Variants in VLDLR observed in about 807,000 individuals in gnomAD.
VLDLR encodes the protein very low density lipoprotein receptor, also known as very low-density lipoprotein receptor.
VLDLR carries 81 observed loss-of-function variants against 112.7 expected under a neutral mutation model. The observed-to-expected ratio is 0.72, with a 90% CI of 0.60 to 0.86. The LOEUF is 0.86. Among genes scored for constraint, VLDLR ranks in the 40% least tolerant of loss-of-function variants. The pLI is 0.00. For synonymous variants in VLDLR, 436 were observed against 384.8 expected, an observed-to-expected ratio of 1.13 and a Z score of -1.56; for missense variants, 1,237 against 1,099.4, an observed-to-expected ratio of 1.13 and a Z score of -1.77.
In VLDLR at chr9:2,644,543, G is replaced by A. The variant is rs2889261; in HGVS notation, c.1067-191G>A. ...AGAAACTTGACTAAATGCTTGACCA[G>A]CTGGTAACTTGCCGAGGAGTTAGAT... On this transcript the variant is annotated intron_variant, in intron 7 of 18. Coordinates refer to ENST00000382100, the MANE Select transcript of VLDLR (RefSeq NM_003383.5). Among the ~76,000 whole-genome samples the A allele has an allele frequency of 0.21, 31,629 of 151,656 alleles. 3,770 individuals are homozygous for A. Among genetic ancestry groups the A allele is most frequent in the African/African-American group, 0.3 (12,459 of 41,280 alleles).
chr9:2,659,962 G>A lies in VLDLR; in HGVS notation c.*6094G>A, dbSNP rs1818741122. ...TGCTCAGGATCTTCAGAATTCTAAA[G>A]GCACATGTTAGAATGCAGAGTCCTG... On this transcript the variant is annotated 3_prime_UTR_variant, in exon 19 of 19. Transcript: ENST00000382100. 1 of 152,166 alleles carries A rather than the reference G, an allele frequency of 6.6e-6. No individual in the cohort carries two copies. The highest frequency in any genetic ancestry group is 1.5e-5 in the Non-Finnish European group (1 of 68,034). The allele number at this position is 152,166 out of a possible 1,614,324, so 9.4% of individuals were successfully genotyped here. A position where few individuals can be genotyped will look rare whatever the true frequency, so the allele number is the denominator to read the frequency against.
intron 2 of VLDLR, among the ~76,000 whole-genome samples, chr9:2,636,779 A>G (rs1817613757): frequency 6.6e-6 from 1 of 152,222 alleles, no homozygotes; most frequent in Non-Finnish European, 1.5e-5. Flanking sequence ...TAGTTCTCTT[A>G]CTAAATATCT....
In VLDLR at chr9:2,643,713, CTG is replaced by C; in HGVS notation, c.910_911del (p.Val304ArgfsTer5). The C allele has an allele frequency of 6.2e-7, 1 of 1,614,206 alleles. No homozygotes were observed. The highest frequency in any genetic ancestry group is 8.5e-7 in the Non-Finnish European group (1 of 1,180,036). ...GSRQCNGIRD[C>X]VDGSDEVNCK... ...GCAGGCAGTGTAATGGTATCCGAGA[CTG>C]TGTCGATGGTTCCGATGAAGTCAAC... is the stretch of plus-strand genomic sequence containing the variant. On this transcript the variant is annotated frameshift_variant, in exon 6 of 19. Transcript: ENST00000382100. LOFTEE classifies it high-confidence loss of function.
chr9:2,624,013 C>G (rs1459319757), intron 1 of VLDLR, among the ~76,000 whole-genome samples: 1 of 152,090 alleles, frequency 6.6e-6, no homozygotes, highest in Non-Finnish European at 1.5e-5. Context: ...GGACAATTAT[C>G]CAGGAAGGTG....
Position 2,639,934 on chromosome 9 carries a change from G to C in VLDLR, c.278G>C (p.Gly93Ala). 6.2e-7 allele frequency: 1 copy of C among 1,614,232 alleles called. No homozygotes were observed. The highest frequency in any genetic ancestry group is 8.5e-7 in the Non-Finnish European group (1 of 1,180,038). ...GTTCCCAGCCGATGGAAGTGTGATGGAGATCCTGACTGCGAAGATGGTTCA... is the reference window on the plus strand; with the variant it reads ...GTTCCCAGCCGATGGAAGTGTGATGCAGATCCTGACTGCGAAGATGGTTCA... ...QCVPSRWKCD[G>A]DPDCEDGSDE... Residue 93 changes from glycine (G) to alanine (A), a missense_variant, in exon 3 of 19, where the codon GGA becomes GCA. Coordinates refer to ENST00000382100, the MANE Select transcript of VLDLR (RefSeq NM_003383.5).
chr9:2,653,097 G>T lies in VLDLR; in HGVS notation c.2586+148G>T, dbSNP rs534008490. ...GGCTATTAGACAGACAGTATAGCCT[G>T]TTAGAACATAAGTCACTCAGTTGAT... On this transcript the variant is annotated intron_variant, in intron 18 of 18. Transcript: ENST00000382100. 1.0e-5 allele frequency: 11 copies of T among 1,077,022 alleles called. No homozygotes were observed. The East Asian group carries it at 2.0e-4, about 20-fold the overall frequency. 66.7% of individuals were successfully genotyped at this position (1,077,022 alleles called of 1,614,324 possible).
At chr9:2,648,910 TAAAAGGG>T in intron 14 of VLDLR, 100 bp downstream of exon 14, 1 of 1,511,026 alleles carries the variant, frequency 6.6e-7, no homozygotes, top group Non-Finnish European at 9.1e-7. Flanking sequence ...CAGTTTTCTT[TAAAAGGG>T]AACTTTTGCC....
rs1362979096 is a variant in VLDLR at position 2,648,352 on chromosome 9, G to T, written c.1962+5G>T. On this transcript the variant is annotated splice_donor_5th_base_variant and intron_variant, in intron 13 of 18. Coordinates refer to ENST00000382100, the MANE Select transcript of VLDLR (RefSeq NM_003383.5). Reference sequence around the variant, plus strand: ...CTTGCACTAACAATATTTGAGGTAAGATGTGTCTCACATCAAAGTGTGTAC... The same window carrying T: ...CTTGCACTAACAATATTTGAGGTAATATGTGTCTCACATCAAAGTGTGTAC... 2 of 1,614,152 alleles carry T rather than the reference G, an allele frequency of 1.2e-6. No individual in the cohort carries two copies. Among genetic ancestry groups the T allele is most frequent in the Non-Finnish European group, 1.7e-6 (2 of 1,180,014 alleles).
chr9:2,644,325 ATTTT>A (rs374242751), intron 7 of VLDLR, among the ~76,000 whole-genome samples: 51 of 122,962 alleles, frequency 4.1e-4, no homozygotes, highest in African/African-American at 1.5e-3. Context: ...CGCCCGGCTA[ATTTT>A]TTTTTTTTTT....
intron 1 of VLDLR, among the ~76,000 whole-genome samples, chr9:2,632,407 C>G (rs147780738): frequency 1.6e-4 from 24 of 152,290 alleles, no homozygotes; most frequent in Admixed American, 9.8e-4. Context: ...ACTTCTACTT[C>G]CAAGGTATTT....
intron 2 of VLDLR, 23 bp downstream of exon 2, chr9:2,635,595 T>TA (rs749604445): frequency 6.2e-7 from 1 of 1,613,936 alleles, no homozygotes; most frequent in East Asian, 2.2e-5. Context: ...TTTGATGACT[T>TA]ATGCATTTTG....
chr9:2,651,538 C>T (rs766637949), intron 16 of VLDLR, 40 bp downstream of exon 16: 3 of 1,516,048 alleles, frequency 2.0e-6, no homozygotes, highest in Non-Finnish European at 2.7e-6. Context: ...TCTCAACTAA[C>T]AGCCACACTC....
At chr9:2,650,197 C>T (rs910088197) in intron 14 of VLDLR, among the ~76,000 whole-genome samples, 173 bp from the exon 15 acceptor site, 1 of 152,114 alleles carries the variant, frequency 6.6e-6, no homozygotes, top group African/African-American at 2.4e-5. Context: ...GAGCATGCTG[C>T]CTGTACCTGT....
intron 1 of VLDLR, among the ~76,000 whole-genome samples, chr9:2,632,733 G>C (rs1817411379): frequency 6.6e-6 from 1 of 152,086 alleles, no homozygotes; most frequent in African/African-American, 2.4e-5. Context: ...CAGTCAGGTG[G>C]CTAAGGGCTG....
In VLDLR at chr9:2,639,995, G is replaced by C. The variant is rs770490714; in HGVS notation, c.325+14G>C. The C allele has an allele frequency of 6.2e-7, 1 of 1,614,170 alleles. No homozygotes were observed. The highest frequency in any genetic ancestry group is 8.5e-7 in the Non-Finnish European group (1 of 1,180,018). ...CAGAACAGTGCCGTGAGTGTAACTT[G>C]CTTTGGCCTTGAACTTTGCCAAGTT... On this transcript the variant is annotated intron_variant, in intron 3 of 18. Transcript: ENST00000382100.
At position 2,648,821 on chromosome 9, in the gene VLDLR, G is replaced by A. The variant is rs2130802471; in HGVS notation, c.2104+11G>A. ...TTGTACAGCCATCAGGTACCGTGGA[G>A]AAGCACAGTCCTTAATAACTACTTT... On this transcript the variant is annotated intron_variant, in intron 14 of 18. Transcript: ENST00000382100. 2.5e-6 allele frequency: 4 copies of A among 1,614,144 alleles called. No homozygotes were observed. The highest frequency in any genetic ancestry group is 4.5e-5 in the East Asian group (2 of 44,872).
Position 2,642,303 on chromosome 9 carries a change from C to G in VLDLR, c.448+804C>G, listed in dbSNP as rs1200148733. Among the ~76,000 whole-genome samples the G allele has an allele frequency of 2.0e-5, 3 of 152,164 alleles. No individual in the cohort carries two copies. The East Asian group carries it at 5.8e-4, about 29-fold the overall frequency. On this transcript the variant is annotated intron_variant, in intron 4 of 18. Transcript: ENST00000382100. The stretch of plus-strand genomic sequence containing the variant: ...TGATATGGTAGTAGTCAAGGGAGCT[C>G]AGGGCACTTACAGTTGAAACACCAG...
intron 1 of VLDLR, among the ~76,000 whole-genome samples, chr9:2,631,149 A>G (rs1007801718): frequency 6.6e-6 from 1 of 152,242 alleles, no homozygotes; most frequent in Non-Finnish European, 1.5e-5. Context: ...GCTATTAATA[A>G]AAAGACAAAA....
At chr9:2,631,518 G>C (rs1817349166) in intron 1 of VLDLR, among the ~76,000 whole-genome samples, 1 of 149,698 alleles carries the variant, frequency 6.7e-6, no homozygotes, top group South Asian at 2.1e-4. Flanking sequence ...CAGCAGCATG[G>C]GGATGGAATT....
Sources: allele counts gnomAD v4.1 joint callset (sites outside exome capture counted in the v4.1 genomes callset), GRCh38; gene constraint gnomAD v4.1.1; transcripts MANE v1.5; gene names NCBI Gene and HGNC (gene_info 2026-07-23, HGNC 2026-07-21).